ESR2: variants seen among roughly 807,000 people sequenced by gnomAD.
ESR2 encodes the protein estrogen receptor beta.
In ESR2, 36 loss-of-function variants were observed where a neutral mutation model predicts 49.6. The observed-to-expected ratio is 0.73, with a 90% confidence interval of 0.56 to 0.96. The LOEUF (loss-of-function observed/expected upper bound fraction) is 0.96, where lower values mean the gene tolerates loss of function less well. ESR2 is among the 40% of genes least tolerant of loss of function. ESR2 has a pLI of 0.00. For synonymous variants in ESR2, 320 were observed against 266.1 expected (o/e 1.20, Z -1.97); for missense variants, 714 against 693.0 (o/e 1.03, Z -0.34).
intron 7 of ESR2, among the ~76,000 whole-genome samples, chr14:64,239,569 C>T (rs1230833529): frequency 6.6e-6 from 1 of 151,872 alleles, no homozygotes; most frequent in East Asian, 1.9e-4. Context: ...AATTCCATAC[C>T]CCCTCTAATT....
At chr14:64,293,338 C>T (rs551715832) in intron 1 of ESR2, among the ~76,000 whole-genome samples, 2 of 152,286 alleles carry the variant, frequency 1.3e-5, no homozygotes, top group South Asian at 4.1e-4. Flanking sequence ...CAAAATAAGG[C>T]AAAGTCTGTC....
At chr14:64,248,283 C>G (rs2075909163) in intron 7 of ESR2, among the ~76,000 whole-genome samples, 1 of 151,948 alleles carries the variant, frequency 6.6e-6, no homozygotes, top group Non-Finnish European at 1.5e-5. Flanking sequence ...GGTGGGAGGA[C>G]TGCTTGAGGC....
At chr14:64,316,040 C>G (rs2077251089) in intron 1 of ESR2, among the ~76,000 whole-genome samples, 2 of 151,226 alleles carry the variant, frequency 1.3e-5, no homozygotes, top group South Asian at 4.2e-4. Flanking sequence ...GAGGCAGTGT[C>G]TCACTGTCAC....
At chr14:64,295,812 G>A (rs1396144842), upstream of ESR2, among the ~76,000 whole-genome samples, 5 of 152,110 alleles carry the variant, frequency 3.3e-5, no homozygotes, top group Admixed American at 1.3e-4. Context: ...TTGGGAGGCC[G>A]AGGCAGGTGG....
Position 64,239,283 on chromosome 14 carries a change from C to T in ESR2, c.1226-4133G>A, listed in dbSNP as rs560409425. On this transcript the variant is annotated intron_variant, in intron 7 of 8. Coordinates refer to ENST00000341099, the MANE Select transcript of ESR2 (RefSeq NM_001437.3). ...ACAGAAAAGGACCCCCGCATCTTTCCTCATCAGCATCCATCTATGTCTTTG... is the reference window on the plus strand; with the variant it reads ...ACAGAAAAGGACCCCCGCATCTTTCTTCATCAGCATCCATCTATGTCTTTG... 2.0e-5 allele frequency among the ~76,000 whole-genome samples: 3 copies of T among 152,304 alleles called. No homozygotes were observed. The South Asian group carries it at 6.2e-4, about 32-fold the overall frequency.
chr14:64,271,550 T>C (rs920114304), intron 3 of ESR2, among the ~76,000 whole-genome samples: 3 of 152,232 alleles, frequency 2.0e-5, no homozygotes, highest in African/African-American at 7.2e-5. Context: ...GGTCTCGAAC[T>C]CCTGAGCTCA....
intron 7 of ESR2, among the ~76,000 whole-genome samples, chr14:64,240,488 G>A (rs1307857097): frequency 6.6e-6 from 1 of 152,130 alleles, no homozygotes; most frequent in Non-Finnish European, 1.5e-5. Flanking sequence ...TACAAACTTT[G>A]CTCTCTTAAT....
chr14:64,324,914 G>C (rs1218098932), intron 1 of ESR2, among the ~76,000 whole-genome samples: 1 of 152,150 alleles, frequency 6.6e-6, no homozygotes, highest in Non-Finnish European at 1.5e-5. Context: ...GAGATCAGAG[G>C]TTAAAAAATT....
chr14:64,254,158 A>C (rs900712987), intron 6 of ESR2, among the ~76,000 whole-genome samples: 1 of 152,176 alleles, frequency 6.6e-6, no homozygotes, highest in Non-Finnish European at 1.5e-5. Flanking sequence ...CAAATGGGCA[A>C]CTGTTAGTTG....
At position 64,233,188 on chromosome 14, in the gene ESR2, C is replaced by T. The variant is rs374713642; in HGVS notation, c.1542G>A (p.Pro514=). ...KSSITGSECS[P]AEDSKSKEGS... Reference sequence around the variant, plus strand: ...CCTCTTTGCTTTTACTGTCCTCTGCCGGGCTGCACTCGGACCCCGTGATGG... The same window carrying T: ...CCTCTTTGCTTTTACTGTCCTCTGCTGGGCTGCACTCGGACCCCGTGATGG... The change falls in exon 9 of 9, where the codon CCG becomes CCA. Residue 514 remains proline, a synonymous_variant. Coordinates refer to ENST00000341099, the MANE Select transcript of ESR2 (RefSeq NM_001437.3). 8.1e-6 allele frequency: 13 copies of T among 1,613,988 alleles called. No homozygotes were observed. Among genetic ancestry groups the T allele is most frequent in the South Asian group, 4.4e-5 (4 of 91,072 alleles).
chr14:64,229,595 T>A lies in ESR2; in HGVS notation c.*3542A>T, dbSNP rs879403431. The stretch of plus-strand genomic sequence containing the variant: ...TTGCACCTGATAGATTCTGCAGTTT[T>A]AAAATATTTTTCTTTAAATTTTTAA... On this transcript the variant is annotated 3_prime_UTR_variant, in exon 9 of 9. Transcript: ENST00000341099. Among the ~76,000 whole-genome samples the A allele has an allele frequency of 2.0e-5, 3 of 152,194 alleles. No homozygotes were observed. The highest frequency in any genetic ancestry group is 2.9e-5 in the Non-Finnish European group (2 of 68,038).
intron 7 of ESR2, among the ~76,000 whole-genome samples, chr14:64,247,341 AAACAAAC>A (rs1567739895): frequency 6.6e-6 from 1 of 151,982 alleles, no homozygotes. Context: ...CAAAACAAAC[AAACAAAC>A]AAAAAAACTA....
At chr14:64,281,741 T>C (rs1381692651) in intron 2 of ESR2, among the ~76,000 whole-genome samples, 1 of 152,236 alleles carries the variant, frequency 6.6e-6, no homozygotes, top group Non-Finnish European at 1.5e-5. Flanking sequence ...TTACCTTGCA[T>C]TTAAAGAGTA....
At chr14:64,320,871 G>A (rs2077317353) in intron 1 of ESR2, among the ~76,000 whole-genome samples, 1 of 151,994 alleles carries the variant, frequency 6.6e-6, no homozygotes, top group Non-Finnish European at 1.5e-5. Context: ...CTCCAGCCTA[G>A]GTAACAAGAG....
chr14:64,330,038 C>CCCTG (rs2077437200), intron 1 of ESR2: 1 of 151,992 alleles, frequency 6.6e-6, no homozygotes, highest in African/African-American at 2.4e-5. Flanking sequence ...ACTAGAGAGG[C>CCCTG]CAGGAGGTGG....
At chr14:64,280,397 G>A (rs568402105) in intron 2 of ESR2, among the ~76,000 whole-genome samples, 6 of 152,312 alleles carry the variant, frequency 3.9e-5, no homozygotes, top group East Asian at 1.9e-4. Context: ...GCCCATCCAC[G>A]TGATGCTGAT....
At chr14:64,268,679 A>G in intron 4 of ESR2, 116 bp downstream of exon 4, 1 of 684,962 alleles carries the variant, frequency 1.5e-6, no homozygotes, top group South Asian at 1.7e-5. Context: ...CAACACGCAA[A>G]TACTTAATTA....
At chr14:64,267,775 T>C (rs2076361187) in intron 4 of ESR2, among the ~76,000 whole-genome samples, 1 of 150,882 alleles carries the variant, frequency 6.6e-6, no homozygotes, top group Non-Finnish European at 1.5e-5. Flanking sequence ...TCCCAGCTAC[T>C]TGGGAGGCTG....
At chr14:64,272,377 T>G (rs2076467363) in intron 3 of ESR2, among the ~76,000 whole-genome samples, 1 of 152,362 alleles carries the variant, frequency 6.6e-6, no homozygotes, top group South Asian at 2.1e-4. Context: ...TCCTTTGCCA[T>G]GCAAGCAGTT....
Sources: allele counts gnomAD v4.1 joint callset (sites outside exome capture counted in the v4.1 genomes callset), GRCh38; gene constraint gnomAD v4.1.1; transcripts MANE v1.5; gene names NCBI Gene and HGNC (gene_info 2026-07-23, HGNC 2026-07-21).